COPG2: variants seen among roughly 807,000 people sequenced by gnomAD.
The protein encoded by COPG2 is coat protein complex I subunit gamma 2, also known as coatomer subunit gamma-2.
COPG2 carries 37 observed loss-of-function variants against 46.3 expected under a neutral mutation model. The observed-to-expected ratio is 0.80, with a 90% confidence interval of 0.61 to 1.05. COPG2 has a LOEUF of 1.05. Among genes scored for constraint, COPG2 ranks in the 50% least tolerant of loss-of-function variants. COPG2 has a pLI of 0.00. For missense variants in COPG2, 427 were observed against 387.8 expected (o/e 1.10, Z -0.85); for synonymous variants, 159 against 129.7 (o/e 1.23, Z -1.53).
chr7:130,550,411 C>CA (rs1158918044), intron 17 of COPG2, 113 bp downstream of exon 17: 77,230 of 104,278 alleles, frequency 0.74, 29,655 homozygotes, highest in South Asian at 0.89. Flanking sequence ...GACTCTATCT[C>CA]AAAAAAAAAA....
intron 11 of COPG2, among the ~76,000 whole-genome samples, chr7:130,561,827 C>T (rs1427338069): frequency 2.6e-5 from 4 of 152,178 alleles, no homozygotes; most frequent in Admixed American, 6.5e-5. Context: ...CAAAACATGA[C>T]CCAAACTAAT....
In COPG2 at chr7:130,514,919, T is replaced by C. The variant is rs1031499234; in HGVS notation, c.2150-6260A>G. On this transcript the variant is annotated intron_variant, in intron 20 of 23. Coordinates refer to ENST00000425248, the MANE Select transcript of COPG2 (RefSeq NM_012133.6). ...CAAATTCAGTGGGTGTAAGGCCAGA[T>C]TGCAGTGACTAGTATATGGGAGAGA... Among the ~76,000 whole-genome samples the C allele has an allele frequency of 3.0e-4, 45 of 152,288 alleles. No homozygotes were observed. In the South Asian group the frequency reaches 8.5e-3, roughly 29 times the overall value.
At chr7:130,601,565 A>C (rs1363580613) in intron 9 of COPG2, among the ~76,000 whole-genome samples, 22 of 152,222 alleles carry the variant, frequency 1.4e-4, no homozygotes, top group Admixed American at 7.9e-4. Context: ...ACACAAGAAC[A>C]GAAAACCAAA....
intron 20 of COPG2, among the ~76,000 whole-genome samples, chr7:130,521,038 G>GT (rs1295201370): frequency 2.0e-5 from 3 of 152,102 alleles, no homozygotes; most frequent in Non-Finnish European, 4.4e-5. Flanking sequence ...AATAGGTTGA[G>GT]TTTTTTTAAA....
intron 20 of COPG2, among the ~76,000 whole-genome samples, chr7:130,518,523 T>C (rs1469337991): frequency 6.6e-6 from 1 of 152,108 alleles, no homozygotes; most frequent in Non-Finnish European, 1.5e-5. Flanking sequence ...AGAGTATACC[T>C]TGAGAAGAAT....
intron 5 of COPG2, among the ~76,000 whole-genome samples, chr7:130,625,899 T>A (rs1213751791): frequency 1.3e-5 from 2 of 152,194 alleles, no homozygotes; most frequent in African/African-American, 4.8e-5. Flanking sequence ...TTCCTTTTCA[T>A]TGATAAAAGG....
chr7:130,554,432 A>G (rs1462231354), intron 14 of COPG2, 49 bp downstream of exon 14: 1 of 398,200 alleles, frequency 2.5e-6, no homozygotes, highest in Non-Finnish European at 4.4e-6. Flanking sequence ...CACTCTCTTA[A>G]GTATTTCAAA....
In COPG2 at chr7:130,571,228, C is replaced by T. The variant is rs188311961; in HGVS notation, c.738-6835G>A. Among the ~76,000 whole-genome samples, 12 of 152,134 alleles carry T rather than the reference C, an allele frequency of 7.9e-5. No homozygotes were observed. In the East Asian group the frequency reaches 1.2e-3, roughly 15 times the overall value. ...ATTAAACTAAAAAGCTTCTGTACAG[C>T]GAAAGAAATAATCAGCATAGTAAAC... is the stretch of plus-strand genomic sequence containing the variant. On this transcript the variant is annotated intron_variant, in intron 9 of 23. Coordinates refer to ENST00000425248, the MANE Select transcript of COPG2 (RefSeq NM_012133.6).
intron 5 of COPG2, among the ~76,000 whole-genome samples, chr7:130,642,240 C>T (rs1474711345): frequency 2.7e-5 from 1 of 36,970 alleles, no homozygotes; most frequent in African/African-American, 1.2e-4. Context: ...ACACTAACTA[C>T]ATCTCTTTTT....
At chr7:130,588,667 G>A (rs1794335215) in intron 9 of COPG2, among the ~76,000 whole-genome samples, 1 of 152,078 alleles carries the variant, frequency 6.6e-6, no homozygotes, top group Non-Finnish European at 1.5e-5. Flanking sequence ...GAGGGGGAAG[G>A]GATAGCATTA....
intron 3 of COPG2, among the ~76,000 whole-genome samples, chr7:130,663,897 C>T (rs1269641048): frequency 2.0e-5 from 3 of 151,936 alleles, no homozygotes; most frequent in African/African-American, 4.8e-5. Context: ...CACCACCACG[C>T]CCAACTAATT....
At chr7:130,521,089 AT>A (rs1460597537) in intron 20 of COPG2, among the ~76,000 whole-genome samples, 1 of 152,190 alleles carries the variant, frequency 6.6e-6, no homozygotes, top group Admixed American at 6.5e-5. Flanking sequence ...AGATAATGCA[AT>A]GTAAGTGTTT....
At chr7:130,523,836 G>A (rs1350259105) in intron 20 of COPG2, among the ~76,000 whole-genome samples, 3 of 152,088 alleles carry the variant, frequency 2.0e-5, no homozygotes, top group African/African-American at 4.8e-5. Context: ...TGAAGACATC[G>A]GTGCTAAGGA....
At chr7:130,523,946 C>T (rs1799750851) in intron 20 of COPG2, among the ~76,000 whole-genome samples, 2 of 149,830 alleles carry the variant, frequency 1.3e-5, no homozygotes, top group South Asian at 2.1e-4. Flanking sequence ...AGACTGGGTG[C>T]GTTTGTGCTG....
At position 130,513,383 on chromosome 7, in the gene COPG2, GTGTGTGTATA is replaced by G. The variant is rs1563034237; in HGVS notation, c.2150-4734_2150-4725del. Among the ~76,000 whole-genome samples, 5 of 99,276 alleles carry G rather than the reference GTGTGTGTATA, an allele frequency of 5.0e-5. No homozygotes were observed. In the East Asian group the frequency reaches 1.6e-3, roughly 32 times the overall value. 65.1% of individuals were successfully genotyped at this position (99,276 alleles called of 152,430 possible). On this transcript the variant is annotated intron_variant, in intron 20 of 23. Coordinates refer to ENST00000425248, the MANE Select transcript of COPG2 (RefSeq NM_012133.6). ...TGTATATATATATATATATGTGTGT[GTGTGTGTATA>G]TATATATATACACATATACATATAT...
chr7:130,528,170 G>C (rs1413626917), intron 20 of COPG2, among the ~76,000 whole-genome samples: 1 of 152,084 alleles, frequency 6.6e-6, no homozygotes, highest in Non-Finnish European at 1.5e-5. Context: ...GAGACTGGGT[G>C]CGTTTGTACC....
intron 9 of COPG2, among the ~76,000 whole-genome samples, chr7:130,585,616 T>C (rs1289558311): frequency 2.0e-5 from 3 of 151,484 alleles, no homozygotes; most frequent in African/African-American, 7.3e-5. Flanking sequence ...CTCTAACAAA[T>C]CAGTAAGAAA....
At chr7:130,631,219 T>C (rs1795224138) in intron 5 of COPG2, among the ~76,000 whole-genome samples, 1 of 147,338 alleles carries the variant, frequency 6.8e-6, no homozygotes, top group Non-Finnish European at 1.5e-5. Context: ...TCACCCAGGC[T>C]GGAGTGCAGT....
At position 130,603,352 on chromosome 7, in the gene COPG2, T is replaced by A. The variant is rs1319244344; in HGVS notation, c.737+7601A>T. On this transcript the variant is annotated intron_variant, in intron 9 of 23. Transcript: ENST00000425248. ...CAGTAATTGTTCATTTCCATTATTG[T>A]ATACTATCTGACTATATGAATATAC... Among the ~76,000 whole-genome samples, 29 of 152,238 alleles carry A rather than the reference T, an allele frequency of 1.9e-4. 1 individual carries two copies. The highest frequency in any genetic ancestry group is 1.9e-3 in the Admixed American group (29 of 15,290).
Sources: allele counts gnomAD v4.1 joint callset (sites outside exome capture counted in the v4.1 genomes callset), GRCh38; gene constraint gnomAD v4.1.1; transcripts MANE v1.5; gene names NCBI Gene and HGNC (gene_info 2026-07-23, HGNC 2026-07-21).